PRDM16: variants seen among roughly 807,000 people sequenced by gnomAD.
The protein encoded by PRDM16 is histone-lysine N-methyltransferase PRDM16.
Under a neutral mutation model 110.6 loss-of-function variants are expected in PRDM16, and 23 were observed. The ratio of observed to expected loss-of-function variants is 0.21; its 90% CI spans 0.15 to 0.29. PRDM16 has a LOEUF of 0.29. Among genes scored for constraint, PRDM16 ranks in the 10% least tolerant of loss-of-function variants. The probability of loss-of-function intolerance (pLI) is 1.00; values close to 1 mark genes in which losing one functional copy is unlikely to be tolerated. For missense variants in PRDM16, 1,615 were observed against 1,794.3 expected, an observed-to-expected ratio of 0.90 and a Z score of 1.81; for synonymous variants, 799 against 781.8, an observed-to-expected ratio of 1.02 and a Z score of -0.37.
chr1:3,252,937 C>T (rs1276030835), intron 3 of PRDM16, among the ~76,000 whole-genome samples: 1 of 152,128 alleles, frequency 6.6e-6, no homozygotes, highest in Admixed American at 6.5e-5. Flanking sequence ...GGTGTGTGCT[C>T]GTGGAGATGT....
At chr1:3,330,504 C>T (rs1642020031) in intron 3 of PRDM16, among the ~76,000 whole-genome samples, 2 of 152,186 alleles carry the variant, frequency 1.3e-5, no homozygotes, top group South Asian at 2.1e-4. Flanking sequence ...TCCCATCTGC[C>T]CCTCGCTCCC....
intron 1 of PRDM16, among the ~76,000 whole-genome samples, chr1:3,087,034 A>C (rs1361551850): frequency 1.3e-5 from 2 of 152,218 alleles, no homozygotes; most frequent in Non-Finnish European, 2.9e-5. Flanking sequence ...TCAGGCCAAC[A>C]GCGACATGCT....
chr1:3,106,845 C>T (rs1319638064), intron 1 of PRDM16, among the ~76,000 whole-genome samples: 1 of 152,174 alleles, frequency 6.6e-6, no homozygotes, highest in Non-Finnish European at 1.5e-5. Context: ...GCTGATAGTG[C>T]TGGCCCTGTC....
At chr1:3,251,305 A>AGGGGTGAGGT (rs112643558) in intron 3 of PRDM16, among the ~76,000 whole-genome samples, 147,903 of 150,956 alleles carry the variant, frequency 0.98, 72,581 homozygotes, top group Middle Eastern at 1. Context: ...TGCGTGGTTC[A>AGGGGTGAGGT]GGGGTGAGGT....
At chr1:3,071,591 G>A (rs958750183) in intron 1 of PRDM16, among the ~76,000 whole-genome samples, 1 of 152,240 alleles carries the variant, frequency 6.6e-6, no homozygotes, top group African/African-American at 2.4e-5. Flanking sequence ...AGGATCCGCT[G>A]AAGAATTTCA....
At chr1:3,104,795 A>G (rs1249440672) in intron 1 of PRDM16, among the ~76,000 whole-genome samples, 1 of 151,996 alleles carries the variant, frequency 6.6e-6, no homozygotes, top group Non-Finnish European at 1.5e-5. Context: ...GCCCACAGAC[A>G]TGGACCCTGA....
At chr1:3,160,849 G>A (rs977055842) in intron 1 of PRDM16, among the ~76,000 whole-genome samples, 3 of 152,232 alleles carry the variant, frequency 2.0e-5, no homozygotes, top group African/African-American at 7.2e-5. Flanking sequence ...GAGAGGTCAA[G>A]CACCTTGTCC....
At chr1:3,430,323 T>TC (rs897163641) in intron 14 of PRDM16, among the ~76,000 whole-genome samples, 3 of 151,074 alleles carry the variant, frequency 2.0e-5, no homozygotes, top group Non-Finnish European at 4.4e-5. Context: ...TGCAGAAGAG[T>TC]CCCCCCACAG....
intron 1 of PRDM16, among the ~76,000 whole-genome samples, chr1:3,140,097 A>G (rs975789702): frequency 6.6e-6 from 1 of 152,252 alleles, no homozygotes; most frequent in Non-Finnish European, 1.5e-5. Flanking sequence ...AGCATGTTAG[A>G]AAAGCGGCTT....
chr1:3,129,965 A>T (rs1254832460), intron 1 of PRDM16, among the ~76,000 whole-genome samples: 2 of 152,094 alleles, frequency 1.3e-5, no homozygotes, highest in East Asian at 3.9e-4. Flanking sequence ...AGGGCATCCA[A>T]AAGCGTTGAT....
chr1:3,181,057 C>T (rs910844757), intron 1 of PRDM16, among the ~76,000 whole-genome samples: 4 of 135,312 alleles, frequency 3.0e-5, no homozygotes, highest in Non-Finnish European at 6.6e-5. Context: ...CAGTCTTACA[C>T]GCGGTCTTAC....
chr1:3,105,893 G>T (rs551967866), intron 1 of PRDM16, among the ~76,000 whole-genome samples: 1 of 150,486 alleles, frequency 6.6e-6, no homozygotes, highest in Admixed American at 6.6e-5. Flanking sequence ...AGAGTCTTCA[G>T]GGAGGAGCAG....
chr1:3,150,036 G>A (rs1346591076), intron 1 of PRDM16, among the ~76,000 whole-genome samples: 15 of 152,232 alleles, frequency 9.9e-5, no homozygotes, highest in Admixed American at 9.8e-4. Context: ...CTCCTGTCAT[G>A]GCTCCTGCCC....
chr1:3,351,690 T>A (rs1642496386), intron 3 of PRDM16, among the ~76,000 whole-genome samples: 1 of 37,752 alleles, frequency 2.6e-5, no homozygotes, highest in Non-Finnish European at 4.6e-5. Context: ...CTTTCTCTCC[T>A]CCCTCTGTCT....
rs1380963722 is a variant in PRDM16, at chr1:3,213,217, C to G, written c.387+26743C>G. 6.6e-6 allele frequency among the ~76,000 whole-genome samples: 1 copy of G among 152,230 alleles called. No individual in the cohort carries two copies. The highest frequency in any genetic ancestry group is 6.5e-5 in the Admixed American group (1 of 15,284). ...CCCCAAATTAGCCAATAAACACCAC[C>G]CATTCCGTGGTGAGGGGGGAAATGG... On this transcript the variant is annotated intron_variant, in intron 2 of 16. Transcript: ENST00000270722. The surrounding 1 kb of genome is among the most constrained non-coding windows in gnomAD (Gnocchi z 5.3).
At chr1:3,310,867 G>T (rs1475727314) in intron 3 of PRDM16, among the ~76,000 whole-genome samples, 2 of 151,712 alleles carry the variant, frequency 1.3e-5, no homozygotes, top group Non-Finnish European at 2.9e-5. Context: ...AAGTGTGTGT[G>T]CATGTGTGGG....
At chr1:3,227,977 G>A (rs529737149) in intron 2 of PRDM16, among the ~76,000 whole-genome samples, 18 of 152,350 alleles carry the variant, frequency 1.2e-4, no homozygotes, top group African/African-American at 4.1e-4. Flanking sequence ...CGAGCCGTGG[G>A]CTCTTCGCAG....
intron 1 of PRDM16, among the ~76,000 whole-genome samples, chr1:3,099,341 G>C (rs1191161579): frequency 6.6e-6 from 1 of 152,268 alleles, no homozygotes; most frequent in African/African-American, 2.4e-5. Flanking sequence ...ACGACCACCT[G>C]GCAGGGCTGC....
At position 3,434,531 on chromosome 1, in the gene PRDM16, G is replaced by A. The variant is rs1372397317; in HGVS notation, c.*720G>A. ...TGCCCCGAGGCAGAACAAGAGGCGCGGGGCCACACCCGTGAACCATGCAGA... is the reference window on the plus strand; with the variant it reads ...TGCCCCGAGGCAGAACAAGAGGCGCAGGGCCACACCCGTGAACCATGCAGA... On this transcript the variant is annotated 3_prime_UTR_variant, in exon 17 of 17. Coordinates refer to ENST00000270722, the MANE Select transcript of PRDM16 (RefSeq NM_022114.4). 4.3e-6 allele frequency: 1 copy of A among 231,534 alleles called. No homozygotes were observed. Among genetic ancestry groups the A allele is most frequent in the East Asian group, 6.1e-5 (1 of 16,368 alleles). The allele number at this position is 231,534 out of a possible 1,614,324, so 14.3% of individuals were successfully genotyped here.
Sources: allele counts gnomAD v4.1 joint callset (sites outside exome capture counted in the v4.1 genomes callset), GRCh38; gene constraint gnomAD v4.1.1; non-coding constraint Gnocchi (gnomAD v3.1); transcripts MANE v1.5; gene names NCBI Gene and HGNC (gene_info 2026-07-23, HGNC 2026-07-21).